CHSY3: variants seen among roughly 807,000 people sequenced by gnomAD.
CHSY3 encodes N-acetylgalactosaminyl-proteoglycan 3-beta-glucuronosyltransferase 3.
Under a neutral mutation model 67.2 loss-of-function variants are expected in CHSY3, and 35 were observed. That is an observed-to-expected ratio of 0.52 (90% CI 0.40 to 0.69). The LOEUF (loss-of-function observed/expected upper bound fraction) is 0.69. Among genes scored for constraint, CHSY3 ranks in the 30% least tolerant of loss-of-function variants. The probability of loss-of-function intolerance (pLI) is 0.00; values close to 1 mark genes in which losing one functional copy is unlikely to be tolerated. For synonymous variants in CHSY3, 474 were observed against 434.7 expected (o/e 1.09, Z -1.12); for missense variants, 1,069 against 1,138.5 (o/e 0.94, Z 0.88).
intron 2 of CHSY3, among the ~76,000 whole-genome samples, chr5:130,144,461 G>T (rs1769011102): frequency 6.6e-6 from 1 of 151,808 alleles, no homozygotes; most frequent in Non-Finnish European, 1.5e-5. Flanking sequence ...CAAAATAAAA[G>T]ATATTTACAC....
chr5:130,108,272 G>T (rs1418499542), intron 2 of CHSY3, among the ~76,000 whole-genome samples: 1 of 151,504 alleles, frequency 6.6e-6, no homozygotes. Flanking sequence ...TAAACATCAA[G>T]CTCATATTGG....
Position 130,186,065 on chromosome 5 carries a change from A to G in CHSY3, c.*274A>G, listed in dbSNP as rs1770409510. 1 of 187,068 alleles carries G rather than the reference A, an allele frequency of 5.3e-6. No homozygotes were observed. The highest frequency in any genetic ancestry group is 2.3e-5 in the African/African-American group (1 of 42,792). The allele number at this position is 187,068 out of a possible 1,614,324, so 11.6% of individuals were successfully genotyped here. A position where few individuals can be genotyped will look rare whatever the true frequency, so the allele number is the denominator to read the frequency against. On this transcript the variant is annotated 3_prime_UTR_variant, in exon 3 of 3. Coordinates refer to ENST00000305031, the MANE Select transcript of CHSY3 (RefSeq NM_175856.5). ...TTTGAGATTGAGTTAAATCATAGCA[A>G]TCAAATGACTTTTGAAACGCATTCA...
chr5:129,914,397 G>A (rs183954406), intron 2 of CHSY3, among the ~76,000 whole-genome samples: 266 of 152,324 alleles, frequency 1.7e-3, no homozygotes, highest in African/African-American at 5.5e-3. Flanking sequence ...ACAGGCGTAA[G>A]CCACCGCGCC....
chr5:130,093,122 G>T (rs1766935304), intron 2 of CHSY3, among the ~76,000 whole-genome samples: 1 of 152,054 alleles, frequency 6.6e-6, no homozygotes, highest in Admixed American at 6.6e-5. Flanking sequence ...TGGGACAATT[G>T]GGTTAGTTTC....
chr5:129,935,713 T>C (rs1761465922), intron 2 of CHSY3, among the ~76,000 whole-genome samples: 1 of 152,208 alleles, frequency 6.6e-6, no homozygotes, highest in South Asian at 2.1e-4. Context: ...CATGGAAATA[T>C]TGCATTTTAA....
chr5:129,907,767 T>A (rs1485597090), intron 1 of CHSY3, among the ~76,000 whole-genome samples: 1 of 152,214 alleles, frequency 6.6e-6, no homozygotes, highest in East Asian at 1.9e-4. Context: ...TTACTTCAAA[T>A]GTACTAAGAA....
intron 2 of CHSY3, among the ~76,000 whole-genome samples, chr5:129,908,646 A>C (rs1760415362): frequency 6.6e-6 from 1 of 152,060 alleles, no homozygotes; most frequent in Non-Finnish European, 1.5e-5. Flanking sequence ...ATTGGTGCTT[A>C]TATACATGTG....
At chr5:130,140,464 G>A in intron 2 of CHSY3, 1 of 1,125,678 alleles carries the variant, frequency 8.9e-7, no homozygotes, top group Admixed American at 2.4e-5. Flanking sequence ...CACAGTGCCA[G>A]CTTACTTTAA....
intron 2 of CHSY3, among the ~76,000 whole-genome samples, chr5:130,093,060 CT>C (rs2149694030): frequency 6.6e-6 from 1 of 152,234 alleles, no homozygotes; most frequent in East Asian, 1.9e-4. Flanking sequence ...AGTTTTAAGA[CT>C]GGGAGAATCA....
At position 129,972,391 on chromosome 5, in the gene CHSY3, C is replaced by A. The variant is rs139682120; in HGVS notation, c.1086+64031C>A. 3.8e-3 allele frequency among the ~76,000 whole-genome samples: 578 copies of A among 152,086 alleles called. 7 individuals are homozygous for A. Among genetic ancestry groups the A allele is most frequent in the African/African-American group, 0.013 (543 of 41,534 alleles). ...TTTCTATTTGTAGTATTCTGGGATGCAGTTATGCAAGCCCAGTTTAGTCCT... is the reference window on the plus strand; with the variant it reads ...TTTCTATTTGTAGTATTCTGGGATGAAGTTATGCAAGCCCAGTTTAGTCCT... On this transcript the variant is annotated intron_variant, in intron 2 of 2. Coordinates refer to ENST00000305031, the MANE Select transcript of CHSY3 (RefSeq NM_175856.5).
At chr5:130,086,543 C>A (rs970648419) in intron 2 of CHSY3, among the ~76,000 whole-genome samples, 3 of 151,712 alleles carry the variant, frequency 2.0e-5, no homozygotes, top group African/African-American at 7.2e-5. Context: ...AGCACACCAC[C>A]AATCCCACAG....
intron 2 of CHSY3, among the ~76,000 whole-genome samples, chr5:130,156,036 A>G (rs1247659146): frequency 6.6e-6 from 1 of 152,210 alleles, no homozygotes; most frequent in African/African-American, 2.4e-5. Context: ...GTGCAGTTAT[A>G]GCTTTATTAG....
At chr5:130,028,494 A>G (rs1156664951) in intron 2 of CHSY3, among the ~76,000 whole-genome samples, 1 of 152,218 alleles carries the variant, frequency 6.6e-6, no homozygotes, top group Non-Finnish European at 1.5e-5. Flanking sequence ...CTTACACCTT[A>G]CACAGAAGCA....
chr5:129,919,162 A>G (rs1760836111), intron 2 of CHSY3, among the ~76,000 whole-genome samples: 2 of 146,800 alleles, frequency 1.4e-5, no homozygotes, highest in African/African-American at 2.5e-5. Context: ...ATATTTTTTT[A>G]GAAGGTAAAA....
intron 2 of CHSY3, among the ~76,000 whole-genome samples, chr5:130,137,295 T>C (rs1179658754): frequency 6.6e-6 from 1 of 152,224 alleles, no homozygotes; most frequent in Admixed American, 6.5e-5. Flanking sequence ...TTATCAGTCC[T>C]GTGGAACCAC....
intron 2 of CHSY3, among the ~76,000 whole-genome samples, chr5:130,144,344 A>G (rs1231662420): frequency 6.6e-6 from 1 of 152,126 alleles, no homozygotes. Flanking sequence ...AAATCAACAC[A>G]CAAAAATCAG....
chr5:129,979,251 T>G (rs1463309881), intron 2 of CHSY3, among the ~76,000 whole-genome samples: 1 of 148,340 alleles, frequency 6.7e-6, no homozygotes, highest in Non-Finnish European at 1.5e-5. Flanking sequence ...GAAAAATTAG[T>G]ACTAATTTAT....
intron 2 of CHSY3, among the ~76,000 whole-genome samples, chr5:130,159,791 A>T (rs1328589855): frequency 6.6e-6 from 1 of 152,240 alleles, no homozygotes; most frequent in Admixed American, 6.5e-5. Context: ...AAGAGCAAGG[A>T]TCAGCATCAG....
intron 2 of CHSY3, among the ~76,000 whole-genome samples, chr5:130,016,604 T>G (rs1454704649): frequency 6.6e-6 from 1 of 152,160 alleles, no homozygotes; most frequent in Non-Finnish European, 1.5e-5. Context: ...GAGGTTGGGT[T>G]TCCCCATGTT....
Sources: gnomAD v4.1 joint callset for allele counts (sites outside exome capture counted in the v4.1 genomes callset) on GRCh38, gnomAD v4.1.1 for gene constraint, MANE v1.5 for transcripts, NCBI Gene and HGNC (gene_info 2026-07-23, HGNC 2026-07-21) for gene names.